RBMS3: variants seen among roughly 807,000 people sequenced by gnomAD.
The protein encoded by RBMS3 is RNA binding motif single stranded interacting protein 3.
Under a neutral mutation model 66.8 loss-of-function variants are expected in RBMS3, and 27 were observed. That is an observed-to-expected ratio of 0.40 (90% CI 0.30 to 0.56). The LOEUF is 0.56. Ranked by LOEUF, RBMS3 falls within the 20% of genes least tolerant of loss-of-function variation. The pLI is 0.40. For missense variants in RBMS3, 513 were observed against 549.5 expected (o/e 0.93, Z 0.66); for synonymous variants, 188 against 183.0 (o/e 1.03, Z -0.22).
intron 3 of RBMS3, among the ~76,000 whole-genome samples, chr3:29,524,630 G>A (rs2045015376): frequency 6.7e-6 from 1 of 149,330 alleles, no homozygotes; most frequent in African/African-American, 2.4e-5. Flanking sequence ...TTTTAGTAGA[G>A]GCAGGGTTTC....
chr3:29,773,281 C>T (rs1179914846), intron 6 of RBMS3, among the ~76,000 whole-genome samples: 1 of 151,824 alleles, frequency 6.6e-6, no homozygotes, highest in Non-Finnish European at 1.5e-5. Flanking sequence ...TTTTGAGACA[C>T]ACATTAAAAA....
chr3:29,281,372 A>G lies in RBMS3; in HGVS notation c.-310A>G. ...TCACTACAGACAGCCTGGTTAGAGA[A>G]CAAACTGCCTCATCCCAAGTGGACC... On this transcript the variant is annotated 5_prime_UTR_variant, in exon 1 of 15. Transcript: ENST00000383767. 2.3e-6 allele frequency: 1 copy of G among 436,814 alleles called. No individual in the cohort carries two copies. Among genetic ancestry groups the G allele is most frequent in the Non-Finnish European group, 4.1e-6 (1 of 246,616 alleles). The allele number at this position is 436,814 out of a possible 1,614,324, so 27.1% of individuals were successfully genotyped here.
chr3:29,904,408 T>C (rs540312227), intron 10 of RBMS3, among the ~76,000 whole-genome samples: 1 of 152,096 alleles, frequency 6.6e-6, no homozygotes, highest in South Asian at 2.1e-4. Context: ...AATATTACTC[T>C]ACAAATGTTG....
intron 4 of RBMS3, among the ~76,000 whole-genome samples, chr3:29,678,677 T>G (rs1341433592): frequency 6.6e-6 from 1 of 152,106 alleles, no homozygotes; most frequent in Non-Finnish European, 1.5e-5. Context: ...TTGTCACCCA[T>G]GAGGAGGCAG....
intron 1 of RBMS3, among the ~76,000 whole-genome samples, chr3:29,288,469 C>A (rs1450955839): frequency 1.3e-5 from 2 of 151,918 alleles, no homozygotes; most frequent in African/African-American, 4.8e-5. Flanking sequence ...TAATCATGAC[C>A]TTTTCCAGCT....
At chr3:29,862,732 T>A (rs1239709680) in intron 6 of RBMS3, among the ~76,000 whole-genome samples, 1 of 151,670 alleles carries the variant, frequency 6.6e-6, no homozygotes, top group Non-Finnish European at 1.5e-5. Flanking sequence ...TAGTCCCAGA[T>A]ACTCAGGAGG....
intron 1 of RBMS3, among the ~76,000 whole-genome samples, chr3:29,374,829 T>G (rs1367182047): frequency 6.6e-6 from 1 of 152,252 alleles, no homozygotes; most frequent in Non-Finnish European, 1.5e-5. Flanking sequence ...TGTACTATGT[T>G]TTACCATTAT....
chr3:29,615,313 T>C (rs2048628514), intron 4 of RBMS3: 1 of 152,200 alleles, frequency 6.6e-6, no homozygotes, highest in African/African-American at 2.4e-5. Flanking sequence ...ATTAGAATAC[T>C]TGGGTTCAGG....
Position 29,460,601 on chromosome 3 carries a change from G to C in RBMS3, c.248+25686G>C, listed in dbSNP as rs192146751. ...GTTGCACTAAGTGACAACATGAAGA[G>C]CTTACATAAGAGCTGAGCTGAGTAA... is the stretch of plus-strand genomic sequence containing the variant. On this transcript the variant is annotated intron_variant, in intron 2 of 14. Transcript: ENST00000383767. Among the ~76,000 whole-genome samples, 588 of 152,296 alleles carry C rather than the reference G, an allele frequency of 3.9e-3. 2 individuals are homozygous for C. The highest frequency in any genetic ancestry group is 6.2e-3 in the Non-Finnish European group (423 of 68,022).
chr3:29,770,227 G>A (rs1440500), intron 6 of RBMS3, among the ~76,000 whole-genome samples: 86,145 of 151,680 alleles, frequency 0.57, 25,958 homozygotes, highest in African/African-American at 0.77. Flanking sequence ...TCTTCACATA[G>A]AAAGATAAAT....
intron 4 of RBMS3, among the ~76,000 whole-genome samples, chr3:29,658,651 A>G (rs1023559430): frequency 2.0e-5 from 3 of 152,262 alleles, no homozygotes; most frequent in African/African-American, 7.2e-5. Flanking sequence ...TCTGAGGAAC[A>G]AAAGAAGTTA....
At chr3:29,979,759 C>G (rs1356919674) in intron 12 of RBMS3, among the ~76,000 whole-genome samples, 1 of 152,176 alleles carries the variant, frequency 6.6e-6, no homozygotes, top group Non-Finnish European at 1.5e-5. Flanking sequence ...CTGCAAAGGA[C>G]ATGAACTCAT....
chr3:29,626,746 A>G (rs1206382118), intron 4 of RBMS3, among the ~76,000 whole-genome samples: 1 of 152,226 alleles, frequency 6.6e-6, no homozygotes, highest in Non-Finnish European at 1.5e-5. Flanking sequence ...AAAGTGTAAT[A>G]TAGTAAATAG....
At chr3:29,644,202 A>C (rs959459966) in intron 4 of RBMS3, among the ~76,000 whole-genome samples, 1 of 152,236 alleles carries the variant, frequency 6.6e-6, no homozygotes, top group African/African-American at 2.4e-5. Flanking sequence ...AGCCTCTAGC[A>C]ATCACAGCAT....
rs932424766 is a variant in RBMS3 at position 29,488,521 on chromosome 3, C to A, written c.307+22C>A. 3.1e-6 allele frequency: 5 copies of A among 1,597,080 alleles called. No homozygotes were observed. In the Admixed American group the frequency reaches 8.4e-5, roughly 27 times the overall value. On this transcript the variant is annotated intron_variant, in intron 3 of 14. Transcript: ENST00000383767. ...AAAGGTATGTGTAAGGGCATCCGTA[C>A]CCTGAAATCTTGCCTATGCTATCTG...
chr3:29,352,956 A>T (rs2037006183), intron 1 of RBMS3, among the ~76,000 whole-genome samples: 1 of 150,950 alleles, frequency 6.6e-6, no homozygotes, highest in African/African-American at 2.4e-5. Context: ...ACAGTATTTC[A>T]TTGTGTATAT....
At chr3:29,968,152 T>G (rs1056117156) in intron 12 of RBMS3, among the ~76,000 whole-genome samples, 4 of 152,164 alleles carry the variant, frequency 2.6e-5, no homozygotes, top group African/African-American at 7.2e-5. Context: ...CCCAGAGGTT[T>G]TGATATCCCA....
intron 2 of RBMS3, among the ~76,000 whole-genome samples, chr3:29,468,853 TAAAGAA>T (rs1214100125): frequency 6.6e-6 from 1 of 152,106 alleles, no homozygotes; most frequent in Non-Finnish European, 1.5e-5. Flanking sequence ...CAGAACCATC[TAAAGAA>T]AAAGTGTTTG....
intron 12 of RBMS3, among the ~76,000 whole-genome samples, chr3:29,986,255 TCTG>T: frequency 6.6e-6 from 1 of 152,358 alleles, no homozygotes; most frequent in Middle Eastern, 3.4e-3. Flanking sequence ...TTGCTATAAA[TCTG>T]CTAGATTTTT....
Sources: allele counts gnomAD v4.1 joint callset (sites outside exome capture counted in the v4.1 genomes callset), GRCh38; gene constraint gnomAD v4.1.1; transcripts MANE v1.5; gene names NCBI Gene and HGNC (gene_info 2026-07-23, HGNC 2026-07-21).